CANX: variants seen among roughly 807,000 people sequenced by gnomAD.
CANX encodes the protein epididymis secretory sperm binding protein.
Under a neutral mutation model 75.7 loss-of-function variants are expected in CANX, and 14 were observed. That is an observed-to-expected ratio of 0.19 (90% CI 0.12 to 0.29). CANX has a LOEUF of 0.29. CANX is among the 10% of genes least tolerant of loss of function. The pLI is 1.00. For missense variants in CANX, 567 were observed against 713.2 expected, an observed-to-expected ratio of 0.79 and a Z score of 2.34; for synonymous variants, 227 against 236.9, an observed-to-expected ratio of 0.96 and a Z score of 0.38.
Position 179,730,019 on chromosome 5 carries a change from G to T in CANX, c.*1375G>T, listed in dbSNP as rs1778900739. On this transcript the variant is annotated 3_prime_UTR_variant, in exon 15 of 15. Coordinates refer to ENST00000247461, the MANE Select transcript of CANX (RefSeq NM_001746.4). ...AGAATTTTTAAAAAAGTGATCTTAG[G>T]TTTGTTTTTTCATGCGGGATGCAGA... 1 of 152,408 alleles carries T rather than the reference G, an allele frequency of 6.6e-6. No individual in the cohort carries two copies. Among genetic ancestry groups the T allele is most frequent in the Non-Finnish European group, 1.5e-5 (1 of 68,012 alleles). 9.4% of individuals were successfully genotyped at this position (152,408 alleles called of 1,614,324 possible). A position where few individuals can be genotyped will look rare whatever the true frequency, so the allele number is the denominator to read the frequency against.
At chr5:179,722,496 C>A (rs564804042) in intron 10 of CANX, among the ~76,000 whole-genome samples, 1 of 152,180 alleles carries the variant, frequency 6.6e-6, no homozygotes, top group African/African-American at 2.4e-5. Flanking sequence ...CTGACTTATG[C>A]TCCCACTCTC....
intron 14 of CANX, 120 bp downstream of exon 14, chr5:179,726,879 T>G: frequency 1.5e-6 from 1 of 674,808 alleles, no homozygotes; most frequent in Non-Finnish European, 2.6e-6. Flanking sequence ...TTAAAGCCAA[T>G]TTTGTTGAAG....
intron 1 of CANX, chr5:179,700,200 T>C (rs1776643596): frequency 2.0e-5 from 3 of 152,118 alleles, no homozygotes; most frequent in Non-Finnish European, 4.4e-5. Flanking sequence ...ATGACACAAG[T>C]GATTGCTGGT....
intron 13 of CANX, among the ~76,000 whole-genome samples, chr5:179,726,002 T>C (rs890166975): frequency 1.6e-4 from 23 of 142,316 alleles, no homozygotes; most frequent in African/African-American, 6.1e-4. Context: ...AAAAAAAAAA[T>C]TGTTGGCCGA....
chr5:179,694,716 A>C (rs547324034), upstream of CANX: 1 of 691,756 alleles, frequency 1.4e-6, no homozygotes, highest in East Asian at 2.6e-5. Flanking sequence ...TGCCTGGAAA[A>C]AGGTGGAAGA....
At chr5:179,703,934 A>G (rs1187920056) in intron 1 of CANX, among the ~76,000 whole-genome samples, 2 of 152,192 alleles carry the variant, frequency 1.3e-5, no homozygotes, top group Non-Finnish European at 2.9e-5. Context: ...GTAATGGAGA[A>G]GAGTGAAAGA....
rs185661017 is a variant in CANX at position 179,719,171 on chromosome 5, T to C, written c.912-497T>C. 1.0e-3 allele frequency among the ~76,000 whole-genome samples: 155 copies of C among 152,338 alleles called. 1 individual carries two copies. The highest frequency in any genetic ancestry group is 3.6e-3 in the African/African-American group (150 of 41,570). On this transcript the variant is annotated intron_variant, in intron 8 of 14. Coordinates refer to ENST00000247461, the MANE Select transcript of CANX (RefSeq NM_001746.4). The stretch of plus-strand genomic sequence containing the variant: ...TGCTGGGTCATGTGGTAACTAACTT[T>C]TTGAGAAACTGCCAAACTGTTTTCC...
chr5:179,701,930 G>A (rs548851460), intron 1 of CANX, among the ~76,000 whole-genome samples: 3 of 151,648 alleles, frequency 2.0e-5, no homozygotes, highest in East Asian at 1.9e-4. Flanking sequence ...TAGTAGAGAC[G>A]GGGTTTCACC....
At chr5:179,720,930 C>T (rs1478012920) in intron 10 of CANX, among the ~76,000 whole-genome samples, 2 of 151,258 alleles carry the variant, frequency 1.3e-5, no homozygotes, top group Non-Finnish European at 2.9e-5. Flanking sequence ...ATTACAGGTG[C>T]CTGCCACCAC....
At chr5:179,692,588 C>T (rs1163699814) in intron 1 of CANX, among the ~76,000 whole-genome samples, 17 of 152,026 alleles carry the variant, frequency 1.1e-4, no homozygotes, top group Admixed American at 1.1e-3. Context: ...AGTGCAGTGG[C>T]ATGATCATGG....
At chr5:179,694,600 A>T (rs1044185435), upstream of CANX, 9 of 987,552 alleles carry the variant, frequency 9.1e-6, no homozygotes, top group Non-Finnish European at 1.3e-5. Flanking sequence ...AGTGAAAAGC[A>T]GCCTTACATC....
intron 4 of CANX, among the ~76,000 whole-genome samples, 197 bp downstream of exon 4, chr5:179,707,387 A>G (rs1777205471): frequency 6.6e-6 from 1 of 152,166 alleles, no homozygotes; most frequent in Non-Finnish European, 1.5e-5. Flanking sequence ...GATCGAGACC[A>G]TCCTGGCTAA....
chr5:179,679,363 C>T lies in CANX; in HGVS notation c.-4+586C>T. ...TGTCTTAGCCCTGCAGCTACGGCTGCGGCTGTGTCTCACCAGCTGCTGGCC... is the reference window on the plus strand; with the variant it reads ...TGTCTTAGCCCTGCAGCTACGGCTGTGGCTGTGTCTCACCAGCTGCTGGCC... On this transcript the variant is annotated intron_variant, in intron 1 of 14. Coordinates refer to the CANX transcript ENST00000681674. 2.8e-6 allele frequency: 3 copies of T among 1,073,174 alleles called. No homozygotes were observed. In the South Asian group the frequency reaches 5.1e-5, roughly 18 times the overall value. The allele number at this position is 1,073,174 out of a possible 1,614,324, so 66.5% of individuals were successfully genotyped here.
In CANX at chr5:179,704,760, T is replaced by A. The variant is rs893343833; in HGVS notation, c.-3-919T>A. Among the ~76,000 whole-genome samples, 4 of 151,390 alleles carry A rather than the reference T, an allele frequency of 2.6e-5. No individual in the cohort carries two copies. In the East Asian group the frequency reaches 5.8e-4, roughly 22 times the overall value. On this transcript the variant is annotated intron_variant, in intron 1 of 14. Coordinates refer to ENST00000247461, the MANE Select transcript of CANX (RefSeq NM_001746.4). ...CTGAGGTGGGAGAATTACTTGAACC[T>A]GGGAGGCGGCGGTTGCAGTGAGCTG... is the stretch of plus-strand genomic sequence containing the variant.
chr5:179,681,040 C>T, intron 1 of CANX: 2 of 812,582 alleles, frequency 2.5e-6, no homozygotes, highest in Non-Finnish European at 4.0e-6. Context: ...GGGCTAGTCC[C>T]ATCTCTGACC....
intron 1 of CANX, chr5:179,678,790 CT>C: frequency 6.5e-7 from 1 of 1,537,092 alleles, no homozygotes; most frequent in South Asian, 1.2e-5. Flanking sequence ...AGTTGTTCTC[CT>C]CCAGCAACAC....
upstream of CANX, chr5:179,698,843 C>T (rs926002026): frequency 1.1e-6 from 1 of 938,532 alleles, no homozygotes; most frequent in Non-Finnish European, 1.4e-6. Context: ...GAGCGATGCC[C>T]ACGCCGGCCA....
chr5:179,720,629 A>C, intron 10 of CANX, 69 bp downstream of exon 10: 8 of 1,425,492 alleles, frequency 5.6e-6, no homozygotes, highest in Middle Eastern at 1.8e-4. Flanking sequence ...TTTTATCTAG[A>C]GTAAGGCTGC....
At position 179,679,217 on chromosome 5, in the gene CANX, C is replaced by T. The variant is rs1346457126; in HGVS notation, c.-4+440C>T. On this transcript the variant is annotated intron_variant, in intron 1 of 14. Transcript: ENST00000681674. ...CTGGCGACTCGTGCTGCGCTCTTGTCTCGGGAGCCCGGATGTCCAGAATGA... is the reference window on the plus strand; with the variant it reads ...CTGGCGACTCGTGCTGCGCTCTTGTTTCGGGAGCCCGGATGTCCAGAATGA... The T allele has an allele frequency of 1.2e-5, 18 of 1,533,750 alleles. No individual in the cohort carries two copies. In the African/African-American group the frequency reaches 1.6e-4, roughly 14 times the overall value.
Sources: allele counts gnomAD v4.1 joint callset (sites outside exome capture counted in the v4.1 genomes callset), GRCh38; gene constraint gnomAD v4.1.1; transcripts MANE v1.5; gene names NCBI Gene and HGNC (gene_info 2026-07-23, HGNC 2026-07-21).